GLIS3: variants seen among roughly 807,000 people sequenced by gnomAD.
GLIS3 encodes the protein GLIS family zinc finger 3.
GLIS3 carries 53 observed loss-of-function variants against 78.6 expected under a neutral mutation model. That is an observed-to-expected ratio of 0.67 (90% CI 0.54 to 0.85). The LOEUF (loss-of-function observed/expected upper bound fraction) is 0.85. Ranked by LOEUF, GLIS3 falls within the 40% of genes least tolerant of loss-of-function variation. The pLI is 0.00. For missense variants in GLIS3, 1,703 were observed against 1,231.1 expected (o/e 1.38, Z -5.74); for synonymous variants, 684 against 509.9 (o/e 1.34, Z -4.60).
At chr9:4,123,000 T>C (rs200015796) in intron 3 of GLIS3, among the ~76,000 whole-genome samples, 1 of 152,138 alleles carries the variant, frequency 6.6e-6, no homozygotes, top group Admixed American at 6.6e-5. Flanking sequence ...TATATAGCCT[T>C]AAGGCAGGAT....
chr9:4,348,069 T>G (rs1182468785), intron 1 of GLIS3, among the ~76,000 whole-genome samples: 1 of 152,222 alleles, frequency 6.6e-6, no homozygotes, highest in East Asian at 1.9e-4. Context: ...AGAAATACAT[T>G]ATCAAATTTC....
At chr9:4,463,245 G>A in the GLIS3 span, among the ~76,000 whole-genome samples, 3 of 152,180 alleles carry the variant, frequency 2.0e-5, no homozygotes, top group African/African-American at 7.2e-5. Context: ...ACTTTAAGAA[G>A]TAACTTAACT....
At chr9:4,068,858 T>G (rs373400997) in intron 4 of GLIS3, among the ~76,000 whole-genome samples, 2 of 141,154 alleles carry the variant, frequency 1.4e-5, no homozygotes, top group Admixed American at 7.2e-5. Context: ...GTGTGTGTGT[T>G]TAATATGTCT....
chr9:3,879,626 G>C (rs1429122479), intron 7 of GLIS3, 31 bp from the exon 8 acceptor site: 1 of 1,612,500 alleles, frequency 6.2e-7, no homozygotes, highest in Admixed American at 1.7e-5. Context: ...ACATGAGACC[G>C]TGCCCCAAAG....
At chr9:4,278,764 T>C (rs74720579) in intron 2 of GLIS3, among the ~76,000 whole-genome samples, 3 of 152,232 alleles carry the variant, frequency 2.0e-5, no homozygotes, top group African/African-American at 7.2e-5. Context: ...CTTATACATT[T>C]TGAAAGAGAA....
chr9:3,930,503 C>G (rs1460695353), intron 6 of GLIS3, among the ~76,000 whole-genome samples: 4 of 152,198 alleles, frequency 2.6e-5, no homozygotes, highest in Non-Finnish European at 4.4e-5. Flanking sequence ...AATAATCTTT[C>G]ACACAATCAA....
At chr9:4,380,425 C>T in the GLIS3 span, among the ~76,000 whole-genome samples, 1 of 152,154 alleles carries the variant, frequency 6.6e-6, no homozygotes, top group Non-Finnish European at 1.5e-5. Flanking sequence ...CAGGTGACAA[C>T]AGAGTATTGT....
chr9:4,204,980 C>T (rs546939266), intron 2 of GLIS3, among the ~76,000 whole-genome samples: 3 of 151,256 alleles, frequency 2.0e-5, no homozygotes, highest in African/African-American at 7.3e-5. Context: ...GAGTTTCAGA[C>T]CAACCTGGCC....
chr9:4,085,126 T>A (rs1828909926), intron 4 of GLIS3, among the ~76,000 whole-genome samples: 1 of 152,094 alleles, frequency 6.6e-6, no homozygotes, highest in African/African-American at 2.4e-5. Context: ...TCTCTCTCAA[T>A]CTTGACTTGA....
chr9:3,829,626 A>C (rs1817932098), intron 9 of GLIS3, 134 bp from the exon 10 acceptor site: 2 of 838,018 alleles, frequency 2.4e-6, no homozygotes, highest in African/African-American at 1.7e-5. Context: ...CACCTGTAGA[A>C]TCTTCCAAGC....
chr9:3,852,197 G>A (rs1277884516), intron 9 of GLIS3, among the ~76,000 whole-genome samples: 1 of 151,352 alleles, frequency 6.6e-6, no homozygotes, highest in Non-Finnish European at 1.5e-5. Flanking sequence ...TTTTGATAAA[G>A]GCACCTGCAT....
At chr9:4,424,760 G>A in the GLIS3 span, among the ~76,000 whole-genome samples, 1 of 151,890 alleles carries the variant, frequency 6.6e-6, no homozygotes, top group East Asian at 1.9e-4. Flanking sequence ...TGTAGAGACG[G>A]GATTTTGCCA....
intron 1 of GLIS3, among the ~76,000 whole-genome samples, chr9:4,347,469 T>C (rs1489932823): frequency 6.6e-6 from 1 of 152,132 alleles, no homozygotes; most frequent in East Asian, 1.9e-4. Flanking sequence ...CTACTCTCAG[T>C]GGTATGACTG....
chr9:4,040,238 G>C (rs966656323), intron 4 of GLIS3, among the ~76,000 whole-genome samples: 2 of 148,148 alleles, frequency 1.3e-5, no homozygotes, highest in South Asian at 4.2e-4. Flanking sequence ...AAACTTCAAA[G>C]CATTTTAAAT....
chr9:4,150,250 C>T (rs147240647), intron 2 of GLIS3, among the ~76,000 whole-genome samples: 1 of 152,302 alleles, frequency 6.6e-6, no homozygotes, highest in East Asian at 1.9e-4. Flanking sequence ...GCCTCAGTAG[C>T]CCAAACTTTG....
At chr9:4,119,176 T>A (rs1046679616) in intron 3 of GLIS3, among the ~76,000 whole-genome samples, 1 of 152,218 alleles carries the variant, frequency 6.6e-6, no homozygotes, top group Non-Finnish European at 1.5e-5. Context: ...CTTGCTTTAT[T>A]TTTAAATAAC....
At chr9:3,842,338 G>C (rs1235220532) in intron 9 of GLIS3, among the ~76,000 whole-genome samples, 1 of 152,196 alleles carries the variant, frequency 6.6e-6, no homozygotes, top group Non-Finnish European at 1.5e-5. Context: ...CTGGTATGGT[G>C]GTGGGTGCCT....
At chr9:3,958,555 A>G (rs1431095935) in intron 4 of GLIS3, among the ~76,000 whole-genome samples, 1 of 152,202 alleles carries the variant, frequency 6.6e-6, no homozygotes, top group Non-Finnish European at 1.5e-5. Context: ...TCTTAAGTGC[A>G]GGGTCCTGTC....
At chr9:3,852,335 G>T (rs1047551488) in intron 9 of GLIS3, among the ~76,000 whole-genome samples, 1 of 152,118 alleles carries the variant, frequency 6.6e-6, no homozygotes, top group Non-Finnish European at 1.5e-5. Flanking sequence ...AGAAATGGGG[G>T]TGACTACACT....
Sources: gnomAD v4.1 joint callset for allele counts (sites outside exome capture counted in the v4.1 genomes callset) on GRCh38, gnomAD v4.1.1 for gene constraint, MANE v1.5 for transcripts, NCBI Gene and HGNC (gene_info 2026-07-23, HGNC 2026-07-21) for gene names.